UNC13C: variants seen among roughly 807,000 people sequenced by gnomAD.
UNC13C encodes protein unc-13 homolog C.
A neutral mutation model predicts 245.4 loss-of-function variants in UNC13C; 174 were observed. That is an observed-to-expected ratio of 0.71 (90% CI 0.63 to 0.80). UNC13C has a LOEUF of 0.80. Among genes scored for constraint, UNC13C ranks in the 30% least tolerant of loss-of-function variants. The probability of loss-of-function intolerance (pLI) is 0.00; values close to 1 mark genes in which losing one functional copy is unlikely to be tolerated. For missense variants in UNC13C, 2,829 were observed against 2,602.9 expected (o/e 1.09, Z -1.89); for synonymous variants, 992 against 895.1 (o/e 1.11, Z -1.93).
chr15:53,844,894 T>C, the UNC13C span, among the ~76,000 whole-genome samples: 1 of 152,302 alleles, frequency 6.6e-6, no homozygotes, highest in Non-Finnish European at 1.5e-5. Flanking sequence ...AGAGTGTTTG[T>C]CACCATGTTG....
intron 2 of UNC13C, among the ~76,000 whole-genome samples, chr15:54,061,788 G>T (rs1897849233): frequency 1.3e-5 from 2 of 152,116 alleles, no homozygotes; most frequent in South Asian, 4.2e-4. Flanking sequence ...CTTGGAGGCA[G>T]AAAGAATTAA....
chr15:54,587,835 A>G (rs1451430751), intron 30 of UNC13C, among the ~76,000 whole-genome samples: 1 of 152,228 alleles, frequency 6.6e-6, no homozygotes, highest in Non-Finnish European at 1.5e-5. Flanking sequence ...CTCTTCATGT[A>G]AGATACTGAC....
chr15:54,506,444 T>A (rs1415286447), intron 22 of UNC13C, among the ~76,000 whole-genome samples: 1 of 152,020 alleles, frequency 6.6e-6, no homozygotes, highest in Non-Finnish European at 1.5e-5. Flanking sequence ...GATTTATTGG[T>A]CTGCTGCTTG....
At chr15:54,123,875 C>T (rs568993342) in intron 2 of UNC13C, among the ~76,000 whole-genome samples, 1 of 152,262 alleles carries the variant, frequency 6.6e-6, no homozygotes, top group African/African-American at 2.4e-5. Flanking sequence ...TTCAGAGCTC[C>T]TGGCAACTGC....
intron 4 of UNC13C, among the ~76,000 whole-genome samples, chr15:54,218,025 G>A (rs73409976): frequency 0.2 from 30,494 of 151,938 alleles, 4,526 homozygotes; most frequent in African/African-American, 0.41. Flanking sequence ...TTCTAGGAAA[G>A]TAGAGATGAG....
intron 2 of UNC13C, among the ~76,000 whole-genome samples, chr15:54,115,519 G>A (rs925318828): frequency 1.1e-4 from 16 of 151,836 alleles, no homozygotes; most frequent in Non-Finnish European, 1.8e-4. Flanking sequence ...ATACATAATC[G>A]AGGTACATAT....
intron 19 of UNC13C, among the ~76,000 whole-genome samples, chr15:54,462,578 G>GT (rs1474027548): frequency 6.6e-5 from 10 of 152,240 alleles, no homozygotes; most frequent in Non-Finnish European, 1.5e-4. Context: ...GCCCCGGGGA[G>GT]TGAGGGGCTT....
At chr15:54,601,217 C>G (rs975555734) in intron 30 of UNC13C, among the ~76,000 whole-genome samples, 1 of 152,158 alleles carries the variant, frequency 6.6e-6, no homozygotes, top group Non-Finnish European at 1.5e-5. Context: ...AAATAAGCAA[C>G]AAACATGTTT....
chr15:53,905,420 A>ACACG, the UNC13C span, among the ~76,000 whole-genome samples: 3 of 151,618 alleles, frequency 2.0e-5, no homozygotes, highest in Admixed American at 1.3e-4. Context: ...ACACACACAC[A>ACACG]CACACACACA....
intron 19 of UNC13C, among the ~76,000 whole-genome samples, chr15:54,455,191 CTCTCTCTCTCTCTCTATATATATA>C (rs1341778475): frequency 2.5e-5 from 1 of 40,004 alleles, no homozygotes; most frequent in African/African-American, 8.2e-5. Flanking sequence ...CTCTCTCTCT[CTCTCTCTCTCTCTCTATATATATA>C]TATATATATA....
the UNC13C span, among the ~76,000 whole-genome samples, chr15:53,934,212 C>T: frequency 3.9e-5 from 6 of 152,148 alleles, no homozygotes; most frequent in African/African-American, 1.4e-4. Context: ...AGAAATCTGC[C>T]CCCATGATCC....
Position 54,342,221 on chromosome 15 carries a change from A to G in UNC13C, c.4713+3732A>G, listed in dbSNP as rs541836191. On this transcript the variant is annotated intron_variant, in intron 17 of 32. Transcript: ENST00000260323. ...AAATCTAAAAATATTGTGGATACTA[A>G]TCCTTTTTTGGTTATATGGATTTCA... 1.7e-4 allele frequency among the ~76,000 whole-genome samples: 26 copies of G among 152,174 alleles called. 1 individual carries two copies. In the South Asian group the frequency reaches 5.2e-3, roughly 30 times the overall value.
chr15:54,065,205 GC>G (rs1266876081), intron 2 of UNC13C, among the ~76,000 whole-genome samples: 1 of 152,080 alleles, frequency 6.6e-6, no homozygotes, highest in Admixed American at 6.6e-5. Context: ...GTCCTCAGGG[GC>G]CCACCTCTCT....
chr15:53,965,570 A>ATTTAT, the UNC13C span, among the ~76,000 whole-genome samples: 2 of 133,392 alleles, frequency 1.5e-5, no homozygotes, highest in East Asian at 2.2e-4. Context: ...TTATTTATTT[A>ATTTAT]TTATTATTAT....
chr15:53,980,414 A>G (rs1297149993), intron 1 of UNC13C, among the ~76,000 whole-genome samples: 1 of 152,204 alleles, frequency 6.6e-6, no homozygotes, highest in African/African-American at 2.4e-5. Context: ...TTCTATGTTG[A>G]CATCTTGTAT....
At position 54,354,569 on chromosome 15, in the gene UNC13C, G is replaced by A. The variant is rs117154605; in HGVS notation, c.4713+16080G>A. On this transcript the variant is annotated intron_variant, in intron 17 of 32. Coordinates refer to ENST00000260323, the MANE Select transcript of UNC13C (RefSeq NM_001080534.3). Reference sequence around the variant, plus strand: ...TGGAATGTGCTCTCTAATTAAACTTGGCACTGACAGCCTATAAAAATTACT... The same window carrying A: ...TGGAATGTGCTCTCTAATTAAACTTAGCACTGACAGCCTATAAAAATTACT... 2.7e-3 allele frequency among the ~76,000 whole-genome samples: 417 copies of A among 152,128 alleles called. 5 individuals are homozygous for A. In the East Asian group the frequency reaches 0.038, roughly 14 times the overall value.
chr15:54,358,827 A>G (rs1378660307), intron 17 of UNC13C, among the ~76,000 whole-genome samples: 1 of 151,970 alleles, frequency 6.6e-6, no homozygotes, highest in Admixed American at 6.6e-5. Flanking sequence ...CCCAATTCCT[A>G]TAGCTAAGAC....
At chr15:54,220,699 A>T (rs931982194) in intron 4 of UNC13C, among the ~76,000 whole-genome samples, 1 of 152,048 alleles carries the variant, frequency 6.6e-6, no homozygotes, top group African/African-American at 2.4e-5. Context: ...TTGCCTGCAC[A>T]CTTGTAAATG....
chr15:54,144,735 A>T (rs1267989535), intron 4 of UNC13C, among the ~76,000 whole-genome samples: 1 of 152,188 alleles, frequency 6.6e-6, no homozygotes, highest in Non-Finnish European at 1.5e-5. Flanking sequence ...AAACATTCAT[A>T]CAACATGTTT....
Sources: allele counts gnomAD v4.1 joint callset (sites outside exome capture counted in the v4.1 genomes callset), GRCh38; gene constraint gnomAD v4.1.1; transcripts MANE v1.5; gene names NCBI Gene and HGNC (gene_info 2026-07-23, HGNC 2026-07-21).